GRM8: variants seen among roughly 807,000 people sequenced by gnomAD.
GRM8 encodes glutamate metabotropic receptor 8, also known as metabotropic glutamate receptor 8.
Under a neutral mutation model 87.2 loss-of-function variants are expected in GRM8, and 47 were observed. The observed-to-expected ratio is 0.54, with a 90% CI of 0.43 to 0.69. The LOEUF is 0.69. Among genes scored for constraint, GRM8 ranks in the 30% least tolerant of loss-of-function variants. GRM8 has a pLI of 0.00. For missense variants in GRM8, 1,019 were observed against 1,139.2 expected (o/e 0.89, Z 1.52); for synonymous variants, 396 against 404.5 (o/e 0.98, Z 0.25).
At chr7:126,821,064 T>C (rs1794250783) in intron 6 of GRM8, among the ~76,000 whole-genome samples, 1 of 152,228 alleles carries the variant, frequency 6.6e-6, no homozygotes, top group Non-Finnish European at 1.5e-5. Flanking sequence ...ATTGTGCCAC[T>C]GCACTTCAGC....
intron 2 of GRM8, among the ~76,000 whole-genome samples, chr7:127,119,254 C>T (rs578159985): frequency 3.3e-5 from 5 of 152,070 alleles, no homozygotes; most frequent in South Asian, 2.1e-4. Context: ...TTTGGGAGGC[C>T]GAGTTGGGAT....
chr7:126,909,984 T>C (rs1219242925), intron 3 of GRM8, among the ~76,000 whole-genome samples: 1 of 150,372 alleles, frequency 6.7e-6, no homozygotes, highest in Admixed American at 6.7e-5. Context: ...ATGGATAAGA[T>C]AAAGCAAATT....
rs1004321582 is a variant in GRM8 at position 127,000,510 on chromosome 7, T to C, written c.728-95827A>G. On this transcript the variant is annotated intron_variant, in intron 3 of 10. Transcript: ENST00000339582. ...CAAAGTATTTCACATGCCCCATAAA[T>C]ATATACACTTACTATGTACCTACAA... is the stretch of plus-strand genomic sequence containing the variant. Among the ~76,000 whole-genome samples the C allele has an allele frequency of 9.5e-4, 144 of 151,598 alleles. 2 individuals carry two copies. Among genetic ancestry groups the C allele is most frequent in the Non-Finnish European group, 4.7e-4 (32 of 67,650 alleles).
chr7:127,056,425 C>T (rs891915489), intron 3 of GRM8, among the ~76,000 whole-genome samples: 5 of 152,290 alleles, frequency 3.3e-5, no homozygotes, highest in East Asian at 1.9e-4. Context: ...GGGTGCACAA[C>T]CTGAGCAGCT....
chr7:126,909,167 C>T (rs1276902812), intron 3 of GRM8, among the ~76,000 whole-genome samples: 2 of 152,158 alleles, frequency 1.3e-5, no homozygotes, highest in Non-Finnish European at 2.9e-5. Flanking sequence ...ACACAGATAA[C>T]AGCATAAGAT....
At chr7:126,934,414 C>T (rs1012557270) in intron 3 of GRM8, among the ~76,000 whole-genome samples, 3 of 152,090 alleles carry the variant, frequency 2.0e-5, no homozygotes, top group African/African-American at 7.2e-5. Flanking sequence ...AATGAACATA[C>T]TGGCAATATC....
chr7:126,704,531 G>A (rs900068614), intron 7 of GRM8, among the ~76,000 whole-genome samples: 1 of 152,158 alleles, frequency 6.6e-6, no homozygotes, highest in Non-Finnish European at 1.5e-5. Flanking sequence ...AGTGAGCCGG[G>A]CGGAACAGAG....
chr7:127,000,699 T>C (rs1314350532), intron 3 of GRM8, among the ~76,000 whole-genome samples: 1 of 151,654 alleles, frequency 6.6e-6, no homozygotes, highest in Non-Finnish European at 1.5e-5. Flanking sequence ...GATTACAGAT[T>C]ACCAGGGGCT....
At chr7:126,902,129 T>C (rs979096212) in intron 6 of GRM8, among the ~76,000 whole-genome samples, 7 of 152,220 alleles carry the variant, frequency 4.6e-5, no homozygotes, top group African/African-American at 1.7e-4. Flanking sequence ...AATAATAGTA[T>C]TATAGAGGAC....
intron 3 of GRM8, among the ~76,000 whole-genome samples, chr7:126,946,775 T>C (rs1048576974): frequency 2.0e-5 from 3 of 152,190 alleles, no homozygotes; most frequent in African/African-American, 4.8e-5. Context: ...TGTTAAGCCA[T>C]TGAGTTTTGG....
At chr7:126,951,048 A>G (rs1361965) in intron 3 of GRM8, among the ~76,000 whole-genome samples, 3 of 151,954 alleles carry the variant, frequency 2.0e-5, no homozygotes, top group South Asian at 4.1e-4. Context: ...ATATATCTCC[A>G]AAATGGAGTA....
chr7:126,459,352 A>G lies in GRM8; in HGVS notation c.2431-12980T>C, dbSNP rs559634972. On this transcript the variant is annotated intron_variant, in intron 9 of 10. Transcript: ENST00000339582. ...GTAGTACGTGACTGACAGAATGATG[A>G]TGACCCTGCCTGAGAGAGAGCCAGC... is the stretch of plus-strand genomic sequence containing the variant. Among the ~76,000 whole-genome samples the G allele has an allele frequency of 1.9e-4, 22 of 115,622 alleles. No homozygotes were observed. In the East Asian group the frequency reaches 4.4e-3, roughly 23 times the overall value. 75.9% of individuals were successfully genotyped at this position (115,622 alleles called of 152,430 possible).
chr7:127,212,410 ATTTTTTT>A (rs144077638), intron 2 of GRM8, among the ~76,000 whole-genome samples: 1 of 97,720 alleles, frequency 1.0e-5, no homozygotes, highest in Non-Finnish European at 1.9e-5. Context: ...ACATGGTGTT[ATTTTTTT>A]TTTTTTTTTT....
intron 9 of GRM8, among the ~76,000 whole-genome samples, chr7:126,457,111 G>A (rs1388981684): frequency 4.0e-5 from 6 of 151,294 alleles, no homozygotes; most frequent in East Asian, 1.9e-4. Context: ...AAAATTATAG[G>A]AGTGAAAAAT....
intron 9 of GRM8, among the ~76,000 whole-genome samples, chr7:126,485,178 G>T (rs1235443211): frequency 6.6e-6 from 1 of 152,002 alleles, no homozygotes; most frequent in Non-Finnish European, 1.5e-5. Flanking sequence ...TAAGCACAAG[G>T]TCTCTGTCCT....
chr7:127,190,794 GA>G (rs542960850), intron 2 of GRM8, among the ~76,000 whole-genome samples: 212 of 152,228 alleles, frequency 1.4e-3, no homozygotes, highest in Non-Finnish European at 2.4e-3. Flanking sequence ...ATCTAGCTCA[GA>G]CATTATTTTT....
chr7:127,051,738 G>GAAAAAAAAAAAAAAAAAAAAAAAAAA (rs1563454593), intron 3 of GRM8, among the ~76,000 whole-genome samples: 1 of 13,050 alleles, frequency 7.7e-5, no homozygotes, highest in African/African-American at 1.9e-4. Flanking sequence ...ATAATGTTGA[G>GAAAAAAAAAAAAAAAAAAAAAAAAAA]CAAAAAAAAA....
intron 9 of GRM8, among the ~76,000 whole-genome samples, chr7:126,509,542 T>A (rs879407222): frequency 1.4e-4 from 21 of 152,042 alleles, no homozygotes; most frequent in Non-Finnish European, 2.9e-4. Context: ...ATAAAAGTAT[T>A]ATTACAAATC....
intron 1 of GRM8, among the ~76,000 whole-genome samples, chr7:127,249,704 A>G (rs1563608849): frequency 6.6e-6 from 1 of 152,270 alleles, no homozygotes; most frequent in Non-Finnish European, 1.5e-5. Context: ...TAGCAGAAAG[A>G]AAACCCTCTC....
Sources: gnomAD v4.1 joint callset for allele counts (sites outside exome capture counted in the v4.1 genomes callset) on GRCh38, gnomAD v4.1.1 for gene constraint, MANE v1.5 for transcripts, NCBI Gene and HGNC (gene_info 2026-07-23, HGNC 2026-07-21) for gene names.